DZIP3: variants seen among roughly 807,000 people sequenced by gnomAD.
The protein encoded by DZIP3 is DAZ interacting zinc finger protein 3, also known as E3 ubiquitin-protein ligase DZIP3.
In DZIP3, 118 loss-of-function variants were observed where a neutral mutation model predicts 162.0. The observed-to-expected ratio is 0.73, with a 90% CI of 0.63 to 0.85. The LOEUF is 0.85. DZIP3 is among the 40% of genes least tolerant of loss of function. DZIP3 has a pLI of 0.00. For synonymous variants in DZIP3, 438 were observed against 458.6 expected, an observed-to-expected ratio of 0.96 and a Z score of 0.57; for missense variants, 1,331 against 1,407.0, an observed-to-expected ratio of 0.95 and a Z score of 0.86.
rs530323126 is a variant in DZIP3 at position 108,603,455 on chromosome 3, A to G, written c.-72-1880A>G. Reference sequence around the variant, plus strand: ...GCTGTAGTTTGTATCTTTCATCAGTATTTGAACAGAGAATACAAATTAAAA... The same window carrying G: ...GCTGTAGTTTGTATCTTTCATCAGTGTTTGAACAGAGAATACAAATTAAAA... On this transcript the variant is annotated intron_variant, in intron 1 of 32. Coordinates refer to ENST00000361582, the MANE Select transcript of DZIP3 (RefSeq NM_014648.4). Among the ~76,000 whole-genome samples the G allele has an allele frequency of 3.9e-5, 6 of 152,290 alleles. No homozygotes were observed. In the East Asian group the frequency reaches 1.2e-3, roughly 29 times the overall value.
intron 13 of DZIP3, among the ~76,000 whole-genome samples, chr3:108,642,744 T>C (rs952521319): frequency 3.9e-5 from 6 of 152,156 alleles, no homozygotes; most frequent in Non-Finnish European, 8.8e-5. Context: ...GCATGCTAGG[T>C]CTGGTGCATA....
rs1302273884 is a variant in DZIP3, at chr3:108,661,973, G to A, written c.2295+1G>A. Reference sequence around the variant, plus strand: ...TTATAAATTGCACTATCAGTGTGAAGTAAGTATTTTTGCCATTAGATCTGA... The same window carrying A: ...TTATAAATTGCACTATCAGTGTGAAATAAGTATTTTTGCCATTAGATCTGA... On this transcript the variant is annotated splice_donor_variant, in intron 20 of 32. Coordinates refer to ENST00000361582, the MANE Select transcript of DZIP3 (RefSeq NM_014648.4). LOFTEE classifies it high-confidence loss of function. The A allele has an allele frequency of 6.2e-7, 1 of 1,612,776 alleles. No homozygotes were observed. The highest frequency in any genetic ancestry group is 8.5e-7 in the Non-Finnish European group (1 of 1,179,264).
rs758989319 is a variant in DZIP3 at position 108,662,149 on chromosome 3, G to A, written c.2315G>A (p.Arg772Lys). The change falls in exon 21 of 33, where the codon AGA becomes AAA. Residue 772 changes from arginine to lysine, a missense_variant. Physicochemically the swap from Arg to Lys is conservative, Grantham distance 26. This residue lies in a region of DZIP3 where 1,278 missense variants were observed against 1,317.1 expected (regional missense o/e 0.97). Transcript: ENST00000361582. ...GATCAGGATTTCAAAAGACAGTTGA[G>A]AACAGTGACTTTTCGGTGGCAAGAA... is the stretch of plus-strand genomic sequence containing the variant. ...YQCEDFKRQL[R>K]TVTFRWQENQ... 6.2e-7 allele frequency: 1 copy of A among 1,606,266 alleles called. No individual in the cohort carries two copies. Among genetic ancestry groups the A allele is most frequent in the Non-Finnish European group, 8.5e-7 (1 of 1,177,970 alleles).
Position 108,655,601 on chromosome 3 carries a change from C to A in DZIP3, c.2199+1291C>A, listed in dbSNP as rs557970363. Reference sequence around the variant, plus strand: ...CAGAAGATGAATGATTCCTGCATTTCCAACTAAGGTACTGGGTTCATCTCA... The same window carrying A: ...CAGAAGATGAATGATTCCTGCATTTACAACTAAGGTACTGGGTTCATCTCA... On this transcript the variant is annotated intron_variant, in intron 19 of 32. Coordinates refer to ENST00000361582, the MANE Select transcript of DZIP3 (RefSeq NM_014648.4). Among the ~76,000 whole-genome samples, 14 of 152,146 alleles carry A rather than the reference C, an allele frequency of 9.2e-5. No homozygotes were observed. The South Asian group carries it at 2.9e-3, about 32-fold the overall frequency.
intron 1 of DZIP3, among the ~76,000 whole-genome samples, chr3:108,604,641 G>A (rs1375717862): frequency 6.6e-6 from 1 of 152,172 alleles, no homozygotes; most frequent in Non-Finnish European, 1.5e-5. Context: ...TTGTGCAAGT[G>A]TTCTTTACAT....
chr3:108,657,199 A>C (rs958583364), intron 19 of DZIP3, among the ~76,000 whole-genome samples: 1 of 152,178 alleles, frequency 6.6e-6, no homozygotes, highest in African/African-American at 2.4e-5. Context: ...GATTCACCAA[A>C]GTTGAAATGA....
intron 21 of DZIP3, among the ~76,000 whole-genome samples, chr3:108,662,483 C>A: frequency 6.6e-6 from 1 of 152,068 alleles, no homozygotes; most frequent in East Asian, 1.9e-4. Flanking sequence ...ATTGGCTGAA[C>A]AAGTGTGAAA....
intron 11 of DZIP3, among the ~76,000 whole-genome samples, chr3:108,637,222 T>G (rs1414018469): frequency 1.3e-5 from 2 of 152,070 alleles, no homozygotes; most frequent in Non-Finnish European, 2.9e-5. Flanking sequence ...ATGTATCTTA[T>G]TTCTTTATTG....
intron 1 of DZIP3, among the ~76,000 whole-genome samples, chr3:108,595,715 T>C (rs1177691012): frequency 6.6e-6 from 1 of 152,222 alleles, no homozygotes; most frequent in Non-Finnish European, 1.5e-5. Flanking sequence ...ATATAATCTC[T>C]AGTAACCAGG....
chr3:108,643,826 T>A (rs1034088098), intron 13 of DZIP3, among the ~76,000 whole-genome samples: 1 of 152,080 alleles, frequency 6.6e-6, no homozygotes, highest in Non-Finnish European at 1.5e-5. Context: ...ACAATTAGCA[T>A]TCTTGGCAAA....
At chr3:108,656,196 C>T (rs1943109618) in intron 19 of DZIP3, among the ~76,000 whole-genome samples, 1 of 152,214 alleles carries the variant, frequency 6.6e-6, no homozygotes, top group Admixed American at 6.5e-5. Context: ...AGCCTGCCTC[C>T]TCAAGTGGAT....
Position 108,659,621 on chromosome 3 carries a change from T to C in DZIP3, c.2200-2256T>C, listed in dbSNP as rs1331957346. Among the ~76,000 whole-genome samples, 6 of 151,898 alleles carry C rather than the reference T, an allele frequency of 4.0e-5. No individual in the cohort carries two copies. The East Asian group carries it at 1.2e-3, about 29-fold the overall frequency. ...CTCACCACTCCTATTCAACATAGTGTTGGAAGTTCTGGCCAGGGCAATCAG... is the reference window on the plus strand; with the variant it reads ...CTCACCACTCCTATTCAACATAGTGCTGGAAGTTCTGGCCAGGGCAATCAG... On this transcript the variant is annotated intron_variant, in intron 19 of 32. Transcript: ENST00000361582.
At chr3:108,620,058 C>G (rs1415187874) in intron 5 of DZIP3, among the ~76,000 whole-genome samples, 1 of 152,130 alleles carries the variant, frequency 6.6e-6, no homozygotes, top group Non-Finnish European at 1.5e-5. Flanking sequence ...GATAAGGATA[C>G]ATAGTAGATC....
intron 19 of DZIP3, among the ~76,000 whole-genome samples, chr3:108,656,430 G>A (rs977280872): frequency 6.6e-6 from 1 of 152,134 alleles, no homozygotes; most frequent in African/African-American, 2.4e-5. Context: ...TGCAGCTGAG[G>A]GTCCTGACTG....
chr3:108,625,499 A>G (rs1293798928), intron 6 of DZIP3, among the ~76,000 whole-genome samples: 1 of 152,176 alleles, frequency 6.6e-6, no homozygotes, highest in South Asian at 2.1e-4. Flanking sequence ...GGCTCAAGCA[A>G]TCCTCCTGCT....
At chr3:108,684,609 G>T (rs1944435123) in intron 27 of DZIP3, among the ~76,000 whole-genome samples, 1 of 152,102 alleles carries the variant, frequency 6.6e-6, no homozygotes, top group African/African-American at 2.4e-5. Context: ...TCTGAAATAG[G>T]CAACAATGCA....
intron 26 of DZIP3, among the ~76,000 whole-genome samples, chr3:108,678,858 A>G (rs1268074315): frequency 1.3e-5 from 2 of 152,140 alleles, no homozygotes; most frequent in Non-Finnish European, 2.9e-5. Flanking sequence ...CAAAGAATTT[A>G]AAAATTATAT....
Position 108,654,243 on chromosome 3 carries a change from A to C in DZIP3, c.2132A>C (p.Glu711Ala). Residue 711 changes from glutamate (E) to alanine (A), a missense_variant, in exon 19 of 33, where the codon GAG becomes GCG. By Grantham distance (107) the Glu-to-Ala change is moderately radical. Around this residue, in one of 2 missense-constraint regions of DZIP3, gnomAD observed 1,278 missense variants for 1,317.1 expected, o/e 0.97. Coordinates refer to ENST00000361582, the MANE Select transcript of DZIP3 (RefSeq NM_014648.4). ...LIKDDASDVQ[E>A]DSAMEDKFYS... ...AAAGATGATGCAAGTGATGTTCAAG[A>C]GGATTCTGCAATGGAAGACAAGTTC... 2.5e-6 allele frequency: 4 copies of C among 1,613,860 alleles called. No homozygotes were observed. The highest frequency in any genetic ancestry group is 2.2e-5 in the South Asian group (2 of 91,078).
chr3:108,627,402 T>G (rs1941635761), intron 7 of DZIP3, among the ~76,000 whole-genome samples: 1 of 152,188 alleles, frequency 6.6e-6, no homozygotes, highest in Non-Finnish European at 1.5e-5. Flanking sequence ...TAGTTCTTAT[T>G]GTATTAATGA....
Sources: allele counts gnomAD v4.1 joint callset (sites outside exome capture counted in the v4.1 genomes callset), GRCh38; gene constraint gnomAD v4.1.1; regional missense constraint gnomAD v4.1.1; transcripts MANE v1.5; gene names NCBI Gene and HGNC (gene_info 2026-07-23, HGNC 2026-07-21).